Variants in USP13 observed in about 807,000 individuals in gnomAD.
The protein encoded by USP13 is ubiquitin specific peptidase 13.
A neutral mutation model predicts 107.8 loss-of-function variants in USP13; 68 were observed. The observed-to-expected ratio is 0.63, with a 90% CI of 0.52 to 0.77. The LOEUF is 0.77. USP13 is among the 30% of genes least tolerant of loss of function. The pLI is 0.00. For synonymous variants in USP13, 377 were observed against 389.5 expected, an observed-to-expected ratio of 0.97 and a Z score of 0.38; for missense variants, 945 against 1,093.3, an observed-to-expected ratio of 0.86 and a Z score of 1.91.
chr3:179,690,372 C>A, intron 3 of USP13, 71 bp downstream of exon 3: 1 of 1,353,442 alleles, frequency 7.4e-7, no homozygotes, highest in Non-Finnish European at 1.0e-6. Context: ...TCATGTGCAT[C>A]TTTGATTTAG....
chr3:179,676,385 C>A (rs567732425), intron 1 of USP13, among the ~76,000 whole-genome samples: 7 of 152,206 alleles, frequency 4.6e-5, no homozygotes, highest in Admixed American at 4.6e-4. Flanking sequence ...TGGAGGCATG[C>A]GCTTTACCAT....
chr3:179,714,876 T>TC (rs1044814961), intron 6 of USP13, among the ~76,000 whole-genome samples: 4 of 149,878 alleles, frequency 2.7e-5, no homozygotes, highest in African/African-American at 7.3e-5. Context: ...TTTTCTTTTT[T>TC]TTTTTTTTGT....
At chr3:179,725,379 T>C (rs1326546750) in intron 8 of USP13, among the ~76,000 whole-genome samples, 8 of 152,164 alleles carry the variant, frequency 5.3e-5, no homozygotes, top group African/African-American at 1.4e-4. Flanking sequence ...TGTTATATAT[T>C]GTTAGGAATT....
chr3:179,740,117 A>T (rs1188500074), intron 10 of USP13, 130 bp from the exon 11 acceptor site: 2 of 1,339,332 alleles, frequency 1.5e-6, no homozygotes, highest in Non-Finnish European at 2.1e-6. Context: ...CACTATCATT[A>T]TTTACCTTCT....
At chr3:179,667,967 C>G (rs1028771274) in intron 1 of USP13, among the ~76,000 whole-genome samples, 1 of 151,818 alleles carries the variant, frequency 6.6e-6, no homozygotes. Flanking sequence ...TTATACTTAC[C>G]AAAAAAGTTA....
intron 2 of USP13, among the ~76,000 whole-genome samples, chr3:179,689,868 A>G (rs951363722): frequency 6.6e-6 from 1 of 152,164 alleles, no homozygotes; most frequent in Non-Finnish European, 1.5e-5. Flanking sequence ...AAGCAGGAGA[A>G]TAAGATCCTC....
At chr3:179,765,372 G>T (rs144704623) in intron 18 of USP13, among the ~76,000 whole-genome samples, 158 of 152,280 alleles carry the variant, frequency 1.0e-3, no homozygotes, top group African/African-American at 3.6e-3. Context: ...CCATACCCTT[G>T]GTTATTCCAC....
At chr3:179,688,201 C>CCATA (rs1711962087) in intron 2 of USP13, among the ~76,000 whole-genome samples, 1 of 126,470 alleles carries the variant, frequency 7.9e-6, no homozygotes, top group Non-Finnish European at 1.7e-5. Flanking sequence ...ATCAATCCAT[C>CCATA]CATCCATCCA....
intron 1 of USP13, among the ~76,000 whole-genome samples, chr3:179,675,536 T>TTTTTTA (rs1553787954): frequency 1.4e-5 from 2 of 146,358 alleles, no homozygotes; most frequent in Non-Finnish European, 3.0e-5. Flanking sequence ...TGTAACCTAT[T>TTTTTTA]TTATTATTAT....
chr3:179,745,529 TCTTC>T (rs990399018), intron 13 of USP13, among the ~76,000 whole-genome samples: 12 of 148,598 alleles, frequency 8.1e-5, no homozygotes, highest in East Asian at 1.9e-4. Context: ...TTTCTTCCTT[TCTTC>T]CTTCCTTCCT....
chr3:179,704,262 A>G (rs1169020656), intron 4 of USP13, among the ~76,000 whole-genome samples: 1 of 152,188 alleles, frequency 6.6e-6, no homozygotes, highest in Non-Finnish European at 1.5e-5. Context: ...AGAAGATTCT[A>G]TTTGAGTCTT....
At chr3:179,760,358 AC>A (rs1714965446) in intron 16 of USP13, among the ~76,000 whole-genome samples, 1 of 141,230 alleles carries the variant, frequency 7.1e-6, no homozygotes, top group South Asian at 2.2e-4. Context: ...ATCCCGGCTC[AC>A]TGCAAGCTCC....
At chr3:179,759,893 C>T (rs1478271769) in intron 16 of USP13, among the ~76,000 whole-genome samples, 1 of 152,144 alleles carries the variant, frequency 6.6e-6, no homozygotes, top group Non-Finnish European at 1.5e-5. Flanking sequence ...AGGATGGTCT[C>T]CATCTCTTGA....
chr3:179,743,905 C>T (rs9849574), intron 12 of USP13, among the ~76,000 whole-genome samples: 72,423 of 146,962 alleles, frequency 0.49, 18,136 homozygotes, highest in East Asian at 0.63. Context: ...GTAAGTGTAC[C>T]TACAAACTGA....
chr3:179,763,647 T>C (rs6784292), intron 17 of USP13, among the ~76,000 whole-genome samples: 7,288 of 152,222 alleles, frequency 0.048, 590 homozygotes, highest in African/African-American at 0.17. Context: ...AGTGCAGTGG[T>C]GCAATCTCAG....
chr3:179,731,009 A>G (rs1033623086), intron 10 of USP13, among the ~76,000 whole-genome samples: 1 of 152,224 alleles, frequency 6.6e-6, no homozygotes, highest in African/African-American at 2.4e-5. Context: ...TCTCATAAAA[A>G]TATAAACATT....
At position 179,773,347 on chromosome 3, in the gene USP13, G is replaced by A. The variant is rs151198120; in HGVS notation, c.2413+7499G>A. The stretch of plus-strand genomic sequence containing the variant: ...GTTTTTCTCACCAGAGGACTGCTGT[G>A]CCTCTGGGGTCTTGGTAGTTATTTT... On this transcript the variant is annotated intron_variant, in intron 19 of 20. Transcript: ENST00000263966. Among the ~76,000 whole-genome samples, 717 of 152,332 alleles carry A rather than the reference G, an allele frequency of 4.7e-3. 6 individuals carry two copies. Among genetic ancestry groups the A allele is most frequent in the African/African-American group, 0.016 (660 of 41,568 alleles).
intron 19 of USP13, among the ~76,000 whole-genome samples, chr3:179,767,836 A>G (rs970449260): frequency 6.6e-6 from 1 of 152,338 alleles, no homozygotes; most frequent in Admixed American, 6.5e-5. Context: ...TTACTCATTA[A>G]TGTTCTTTCC....
chr3:179,756,651 A>C (rs1714812653), intron 15 of USP13, among the ~76,000 whole-genome samples: 1 of 152,106 alleles, frequency 6.6e-6, no homozygotes, highest in South Asian at 2.1e-4. Context: ...CCAGCTACTC[A>C]GTAGGCTAAG....
Sources: gnomAD v4.1 joint callset for allele counts (sites outside exome capture counted in the v4.1 genomes callset) on GRCh38, gnomAD v4.1.1 for gene constraint, MANE v1.5 for transcripts, NCBI Gene and HGNC (gene_info 2026-07-23, HGNC 2026-07-21) for gene names.